Variants in INSC observed in about 807,000 individuals in gnomAD.
INSC encodes INSC spindle orientation adaptor protein.
A neutral mutation model predicts 58.6 loss-of-function variants in INSC; 67 were observed. That is an observed-to-expected ratio of 1.14 (90% CI 0.94 to 1.40). The LOEUF (loss-of-function observed/expected upper bound fraction) is 1.40. Among genes scored for constraint, INSC ranks in the 40% most tolerant of loss-of-function variants. The probability of loss-of-function intolerance (pLI) is 0.00; values close to 1 mark genes in which losing one functional copy is unlikely to be tolerated. For synonymous variants in INSC, 262 were observed against 276.1 expected, an observed-to-expected ratio of 0.95 and a Z score of 0.51; for missense variants, 714 against 692.0, an observed-to-expected ratio of 1.03 and a Z score of -0.36.
intron 7 of INSC, among the ~76,000 whole-genome samples, chr11:15,210,307 A>G (rs16931216): frequency 0.038 from 5,810 of 151,984 alleles, 113 homozygotes; most frequent in Middle Eastern, 0.071. Context: ...CATATGAAGT[A>G]ATTTTGTGAG....
At chr11:15,186,390 G>A (rs1372726996) in intron 5 of INSC, among the ~76,000 whole-genome samples, 1 of 152,126 alleles carries the variant, frequency 6.6e-6, no homozygotes, top group Non-Finnish European at 1.5e-5. Context: ...CTTATAGAGT[G>A]AATGCAGCAT....
intron 1 of INSC, among the ~76,000 whole-genome samples, chr11:15,137,399 C>T (rs183605681): frequency 2.8e-4 from 42 of 152,306 alleles, no homozygotes; most frequent in African/African-American, 1.0e-3. Flanking sequence ...TTTGATTTCT[C>T]CTCTCTAGCT....
chr11:15,170,270 T>C (rs1182846082), intron 2 of INSC, among the ~76,000 whole-genome samples: 1 of 151,488 alleles, frequency 6.6e-6, no homozygotes, highest in East Asian at 1.9e-4. Context: ...ATTTCACTAG[T>C]TTTTTTTTCA....
rs560511044 is a variant in INSC, at chr11:15,215,082, G to A, written c.820-6395G>A. On this transcript the variant is annotated intron_variant, in intron 7 of 12. Coordinates refer to ENST00000379556, the MANE Select transcript of INSC (RefSeq NM_001042536.3). ...CTCCCTGGGAAGAATCTCAGCATTC[G>A]CCAGCCCCTTCTGTATCCAGACTCC... 3.3e-5 allele frequency among the ~76,000 whole-genome samples: 5 copies of A among 152,148 alleles called. No homozygotes were observed. The South Asian group carries it at 6.2e-4, about 19-fold the overall frequency.
In INSC at chr11:15,225,758, A is replaced by G. The variant is rs767170545; in HGVS notation, c.1100A>G (p.Asn367Ser). The G allele has an allele frequency of 6.8e-6, 11 of 1,614,076 alleles. No homozygotes were observed. The highest frequency in any genetic ancestry group is 8.5e-6 in the Non-Finnish European group (10 of 1,179,996). The change falls in exon 9 of 13, where the codon AAT becomes AGT. Residue 367 changes from asparagine (N) to serine (S), a missense_variant. Physicochemically the swap from Asn to Ser is conservative, Grantham distance 46. Coordinates refer to ENST00000379556, the MANE Select transcript of INSC (RefSeq NM_001042536.3). ...TMACEMLLQL[N>S]AIRVLLEACS... ...GCCTGCGAGATGCTCCTGCAGTTGAATGCCATCCGTGTTCTCCTGGAAGCC... is the reference window on the plus strand; with the variant it reads ...GCCTGCGAGATGCTCCTGCAGTTGAGTGCCATCCGTGTTCTCCTGGAAGCC...
chr11:15,210,875 G>A (rs752211652), intron 7 of INSC, among the ~76,000 whole-genome samples: 26 of 152,104 alleles, frequency 1.7e-4, no homozygotes, highest in Admixed American at 2.0e-4. Context: ...GTTTAGGGTA[G>A]AATTTGGTAG....
intron 5 of INSC, among the ~76,000 whole-genome samples, chr11:15,189,952 T>C (rs933836276): frequency 1.3e-5 from 2 of 152,380 alleles, no homozygotes; most frequent in South Asian, 4.1e-4. Context: ...TTTGTATCTT[T>C]TTTGTTAATG....
At chr11:15,133,852 T>G (rs1848180071) in intron 1 of INSC, among the ~76,000 whole-genome samples, 1 of 152,224 alleles carries the variant, frequency 6.6e-6, no homozygotes. Flanking sequence ...AAAGCATCAT[T>G]ATTCATCCTT....
At chr11:15,211,662 T>G (rs996362038) in intron 7 of INSC, among the ~76,000 whole-genome samples, 8 of 152,228 alleles carry the variant, frequency 5.3e-5, no homozygotes, top group African/African-American at 1.9e-4. Flanking sequence ...TTTATTGTTT[T>G]GCCTTTAAAA....
At chr11:15,167,747 G>A (rs76609112) in intron 2 of INSC, among the ~76,000 whole-genome samples, 1,956 of 152,156 alleles carry the variant, frequency 0.013, 62 homozygotes, top group African/African-American at 0.045. Context: ...ACCTCCCAAA[G>A]TGTTGGGATT....
At chr11:15,136,702 G>T (rs1389620596) in intron 1 of INSC, among the ~76,000 whole-genome samples, 1 of 151,992 alleles carries the variant, frequency 6.6e-6, no homozygotes, top group African/African-American at 2.4e-5. Context: ...ATGTCTTCAG[G>T]CTCCACATCT....
At chr11:15,139,234 G>A (rs996099942) in intron 1 of INSC, among the ~76,000 whole-genome samples, 7 of 152,158 alleles carry the variant, frequency 4.6e-5, no homozygotes, top group African/African-American at 1.4e-4. Flanking sequence ...ACGTTGGAGC[G>A]ATTCAATTTT....
At chr11:15,146,814 A>G (rs1848504272) in intron 1 of INSC, among the ~76,000 whole-genome samples, 1 of 152,084 alleles carries the variant, frequency 6.6e-6, no homozygotes, top group African/African-American at 2.4e-5. Context: ...ATTCAGAACA[A>G]TTTCTTGCAT....
At chr11:15,155,037 T>C (rs1456672385) in intron 2 of INSC, among the ~76,000 whole-genome samples, 1 of 152,156 alleles carries the variant, frequency 6.6e-6, no homozygotes, top group Non-Finnish European at 1.5e-5. Flanking sequence ...GGAGAAGTAT[T>C]CTATGGTGGG....
chr11:15,162,467 G>A (rs1038198109), intron 2 of INSC, among the ~76,000 whole-genome samples: 2 of 152,146 alleles, frequency 1.3e-5, no homozygotes, highest in African/African-American at 4.8e-5. Context: ...TATTTAAAAT[G>A]AAAATTACTT....
chr11:15,260,832 T>C, the INSC span, among the ~76,000 whole-genome samples: 1 of 152,184 alleles, frequency 6.6e-6, no homozygotes, highest in Non-Finnish European at 1.5e-5. Context: ...AAGGGCAAGC[T>C]GCTCTGGGAG....
At chr11:15,238,898 T>C (rs1852231529) in intron 10 of INSC, 21 bp from the exon 11 acceptor site, 3 of 1,610,350 alleles carry the variant, frequency 1.9e-6, no homozygotes, top group Non-Finnish European at 2.5e-6. Context: ...AGGTACCAAC[T>C]GTTCCTTGCT....
At chr11:15,234,215 C>G (rs943735458) in intron 9 of INSC, among the ~76,000 whole-genome samples, 3 of 152,166 alleles carry the variant, frequency 2.0e-5, no homozygotes, top group Non-Finnish European at 2.9e-5. Flanking sequence ...TCATGCTTAT[C>G]CAACCAGGCC....
At chr11:15,267,725 C>T in the INSC span, among the ~76,000 whole-genome samples, 1 of 151,828 alleles carries the variant, frequency 6.6e-6, no homozygotes, top group Admixed American at 6.6e-5. Flanking sequence ...ATCTTCTATG[C>T]CATTTTCAGA....
Sources: allele counts gnomAD v4.1 joint callset (sites outside exome capture counted in the v4.1 genomes callset), GRCh38; gene constraint gnomAD v4.1.1; transcripts MANE v1.5; gene names NCBI Gene and HGNC (gene_info 2026-07-23, HGNC 2026-07-21).